PCLO: variants seen among roughly 807,000 people sequenced by gnomAD.
PCLO encodes piccolo presynaptic cytomatrix protein, also known as protein piccolo.
Under a neutral mutation model 427.5 loss-of-function variants are expected in PCLO, and 82 were observed. The observed-to-expected ratio is 0.19, with a 90% confidence interval of 0.16 to 0.23. The LOEUF is 0.23. Among genes scored for constraint, PCLO ranks in the 10% least tolerant of loss-of-function variants. The pLI is 1.00. For synonymous variants in PCLO, 2,357 were observed against 2,155.4 expected (o/e 1.09, Z -2.59); for missense variants, 6,239 against 6,115.9 (o/e 1.02, Z -0.67).
chr7:82,954,850 T>C lies in PCLO; in HGVS notation c.6103A>G (p.Ile2035Val). 1 of 1,613,940 alleles carries C rather than the reference T, an allele frequency of 6.2e-7. No individual in the cohort carries two copies. The highest frequency in any genetic ancestry group is 8.5e-7 in the Non-Finnish European group (1 of 1,179,850). The change falls in exon 5 of 25, where the codon ATC becomes GTC. Residue 2035 changes from isoleucine to valine, a missense_variant. Around this residue, in one of 5 missense-constraint regions of PCLO, gnomAD observed 4,677 missense variants for 4,468.4 expected, o/e 1.05. Coordinates refer to ENST00000333891, the MANE Select transcript of PCLO (RefSeq NM_033026.6). ...ACTATCTCATGGCTTTCTGGGATGA[T>C]AAAAGAGCTTGAAACAATATCTTCC... ...PQEDIVSSSFIIPESHEIVDL... is the reference protein window; with the variant it reads ...PQEDIVSSSFVIPESHEIVDL...
At chr7:82,812,329 G>A (rs181608116) in intron 20 of PCLO, among the ~76,000 whole-genome samples, 2 of 151,524 alleles carry the variant, frequency 1.3e-5, no homozygotes, top group African/African-American at 2.4e-5. Flanking sequence ...CTAATAGCAC[G>A]GTATAGAGGA....
intron 3 of PCLO, among the ~76,000 whole-genome samples, chr7:82,995,977 G>A (rs1171119052): frequency 6.6e-6 from 1 of 151,772 alleles, no homozygotes; most frequent in African/African-American, 2.4e-5. Context: ...AAGGGGAGAG[G>A]TACTGGATAA....
At chr7:82,795,933 G>C (rs1335393933) in intron 22 of PCLO, among the ~76,000 whole-genome samples, 1 of 152,094 alleles carries the variant, frequency 6.6e-6, no homozygotes, top group Non-Finnish European at 1.5e-5. Flanking sequence ...GTAAATCAGA[G>C]CAACAACTCC....
At chr7:82,868,037 G>C (rs1793140198) in intron 10 of PCLO, 11 of 435,244 alleles carry the variant, frequency 2.5e-5, no homozygotes, top group South Asian at 1.6e-4. Context: ...TATGTGGTCT[G>C]TGTCATGTGT....
At chr7:82,767,364 GGGA>G (rs1214161793) in intron 22 of PCLO, among the ~76,000 whole-genome samples, 1 of 152,168 alleles carries the variant, frequency 6.6e-6, no homozygotes, top group African/African-American at 2.4e-5. Context: ...CTTAAGAACA[GGGA>G]GGAGAAGAGG....
intron 8 of PCLO, among the ~76,000 whole-genome samples, chr7:82,906,592 A>G (rs912518635): frequency 6.6e-6 from 1 of 152,104 alleles, no homozygotes; most frequent in Non-Finnish European, 1.5e-5. Context: ...AAAATGATAA[A>G]GAAAAACAAA....
intron 14 of PCLO, among the ~76,000 whole-genome samples, chr7:82,839,774 C>T (rs1420239732): frequency 1.3e-5 from 2 of 152,056 alleles, no homozygotes; most frequent in African/African-American, 4.8e-5. Context: ...TCTAGAGTTA[C>T]TCAGGGTCAG....
intron 3 of PCLO, among the ~76,000 whole-genome samples, chr7:83,001,505 A>AACACACACAC (rs3035080): frequency 1.0e-3 from 150 of 149,142 alleles, no homozygotes; most frequent in African/African-American, 3.3e-3. Context: ...CACACATACA[A>AACACACACAC]ACACACACAC....
intron 3 of PCLO, among the ~76,000 whole-genome samples, chr7:82,983,306 T>A (rs1184668808): frequency 6.6e-6 from 1 of 151,304 alleles, no homozygotes; most frequent in East Asian, 1.9e-4. Context: ...TAGCACTCTA[T>A]CCAGTTTTGA....
intron 22 of PCLO, among the ~76,000 whole-genome samples, chr7:82,788,780 C>A (rs1390498758): frequency 5.3e-5 from 8 of 151,676 alleles, no homozygotes; most frequent in South Asian, 2.1e-4. Flanking sequence ...TGAATCAATT[C>A]TTTAAGTAAC....
chr7:82,922,119 T>C (rs754078312), intron 6 of PCLO, among the ~76,000 whole-genome samples: 10 of 151,878 alleles, frequency 6.6e-5, no homozygotes, highest in Non-Finnish European at 1.2e-4. Flanking sequence ...GTAAAAGGAA[T>C]GCTTAAACAC....
chr7:82,814,843 C>A (rs2115593265), intron 20 of PCLO, among the ~76,000 whole-genome samples: 1 of 151,940 alleles, frequency 6.6e-6, no homozygotes. Context: ...TCTGGGACAT[C>A]CCCCGCCCCT....
chr7:83,050,359 A>C (rs1789220434), intron 3 of PCLO, among the ~76,000 whole-genome samples: 1 of 151,070 alleles, frequency 6.6e-6, no homozygotes, highest in Non-Finnish European at 1.5e-5. Flanking sequence ...TCAGCAATGT[A>C]AGTTATTAGT....
intron 22 of PCLO, among the ~76,000 whole-genome samples, chr7:82,770,830 A>C (rs1442378743): frequency 4.0e-5 from 6 of 151,892 alleles, no homozygotes; most frequent in Non-Finnish European, 8.8e-5. Flanking sequence ...ATTTTTTTAA[A>C]AAACAATTCT....
intron 22 of PCLO, among the ~76,000 whole-genome samples, chr7:82,778,300 C>T (rs1259458750): frequency 6.6e-6 from 1 of 152,076 alleles, no homozygotes; most frequent in Non-Finnish European, 1.5e-5. Flanking sequence ...AAAGAGAACA[C>T]TTGTATGCTG....
At chr7:82,778,635 G>C (rs1405208017) in intron 22 of PCLO, among the ~76,000 whole-genome samples, 2 of 151,916 alleles carry the variant, frequency 1.3e-5, no homozygotes, top group African/African-American at 4.8e-5. Context: ...TTTTTATTTT[G>C]AATACTTAAA....
chr7:83,009,274 G>A (rs184476140), intron 3 of PCLO, among the ~76,000 whole-genome samples: 236 of 151,750 alleles, frequency 1.6e-3, no homozygotes, highest in Non-Finnish European at 2.7e-3. Context: ...TGAACTCATT[G>A]GCATAATGTT....
chr7:83,075,133 T>C (rs538688228), intron 3 of PCLO, among the ~76,000 whole-genome samples: 1 of 152,230 alleles, frequency 6.6e-6, no homozygotes, highest in South Asian at 2.1e-4. Flanking sequence ...AATGTACCGG[T>C]TTGAAAAAGA....
At chr7:82,907,943 A>T (rs1794229878) in intron 8 of PCLO, among the ~76,000 whole-genome samples, 1 of 152,082 alleles carries the variant, frequency 6.6e-6, no homozygotes, top group Admixed American at 6.6e-5. Context: ...CCTCAATATG[A>T]CAAACACTGA....
Sources: gnomAD v4.1 joint callset for allele counts (sites outside exome capture counted in the v4.1 genomes callset) on GRCh38, gnomAD v4.1.1 for gene constraint, gnomAD v4.1.1 regional missense constraint, MANE v1.5 for transcripts, NCBI Gene and HGNC (gene_info 2026-07-23, HGNC 2026-07-21) for gene names.